Variants in CCDC134 observed in about 807,000 individuals in gnomAD.
The protein encoded by CCDC134 is coiled-coil domain-containing protein 134.
A neutral mutation model predicts 25.6 loss-of-function variants in CCDC134; 27 were observed. That is an observed-to-expected ratio of 1.05 (90% CI 0.78 to 1.45). The LOEUF (loss-of-function observed/expected upper bound fraction) is 1.45. Among genes scored for constraint, CCDC134 ranks in the 40% most tolerant of loss-of-function variants. CCDC134 has a pLI of 0.00. For synonymous variants in CCDC134, 110 were observed against 115.0 expected, an observed-to-expected ratio of 0.96 and a Z score of 0.28; for missense variants, 261 against 286.7, an observed-to-expected ratio of 0.91 and a Z score of 0.65.
In CCDC134 at chr22:41,823,220, A is replaced by ATTT. The variant is rs34103607; in HGVS notation, c.565-2458_565-2456dup. 2.9e-3 allele frequency among the ~76,000 whole-genome samples: 366 copies of ATTT among 127,416 alleles called. 7 individuals are homozygous for ATTT. The highest frequency in any genetic ancestry group is 7.8e-3 in the East Asian group (34 of 4,382). 83.6% of individuals were successfully genotyped at this position (127,416 alleles called of 152,430 possible). A position where few individuals can be genotyped will look rare whatever the true frequency, so the allele number is the denominator to read the frequency against. On this transcript the variant is annotated intron_variant, in intron 6 of 6. Transcript: ENST00000255784. ...TTCTGGTCAAAAAACCATTACCAGAATTTTTTTTTTTTTTTTTTTTTTGAG... is the reference window on the plus strand; with the variant it reads ...TTCTGGTCAAAAAACCATTACCAGAATTTTTTTTTTTTTTTTTTTTTTTTTGAG...
At chr22:41,810,384 C>A (rs2076589255) in intron 4 of CCDC134, 93 bp downstream of exon 4, 25 of 1,213,660 alleles carry the variant, frequency 2.1e-5, no homozygotes, top group Admixed American at 6.1e-5. Flanking sequence ...TTTTTTCTCC[C>A]CGGAAGTGCC....
At chr22:41,806,571 A>C (rs994431367) in intron 1 of CCDC134, among the ~76,000 whole-genome samples, 11 of 152,134 alleles carry the variant, frequency 7.2e-5, no homozygotes, top group African/African-American at 2.7e-4. Context: ...TGGACAAGGA[A>C]ATTTGTCAAT....
chr22:41,831,874 A>G lies in CCDC134; in HGVS notation c.*6051A>G, dbSNP rs1369621674. 1 of 152,226 alleles carries G rather than the reference A, an allele frequency of 6.6e-6. No homozygotes were observed. The highest frequency in any genetic ancestry group is 6.5e-5 in the Admixed American group (1 of 15,282). The allele number at this position is 152,226 out of a possible 1,614,324, so 9.4% of individuals were successfully genotyped here. ...TGTTTCCCTGCCACAGAGATGTTCA[A>G]TAAATATTGTCAATTGAATGTGCAA... On this transcript the variant is annotated 3_prime_UTR_variant, in exon 7 of 7. Coordinates refer to ENST00000255784, the MANE Select transcript of CCDC134 (RefSeq NM_024821.5).
chr22:41,820,141 A>G (rs954925024), intron 6 of CCDC134, among the ~76,000 whole-genome samples: 49 of 143,174 alleles, frequency 3.4e-4, no homozygotes, highest in Non-Finnish European at 6.5e-4. Flanking sequence ...GACTACAGGC[A>G]CCCACCACCA....
In CCDC134 at chr22:41,831,568, C is replaced by T. The variant is rs1569362064; in HGVS notation, c.*5745C>T. 2 of 152,246 alleles carry T rather than the reference C, an allele frequency of 1.3e-5. No homozygotes were observed. Among genetic ancestry groups the T allele is most frequent in the Non-Finnish European group, 2.9e-5 (2 of 68,044 alleles). The allele number at this position is 152,246 out of a possible 1,614,324, so 9.4% of individuals were successfully genotyped here. ...AAAGCTTATGCCGAGAGCTGGCTGCCAGCAGCTCCTCCTGCCTCGAGGCCT... is the reference window on the plus strand; with the variant it reads ...AAAGCTTATGCCGAGAGCTGGCTGCTAGCAGCTCCTCCTGCCTCGAGGCCT... On this transcript the variant is annotated 3_prime_UTR_variant, in exon 7 of 7. Coordinates refer to ENST00000255784, the MANE Select transcript of CCDC134 (RefSeq NM_024821.5).
intron 6 of CCDC134, among the ~76,000 whole-genome samples, chr22:41,814,818 A>G (rs1182521411): frequency 6.6e-6 from 1 of 152,200 alleles, no homozygotes; most frequent in Non-Finnish European, 1.5e-5. Context: ...CAAAGGCACT[A>G]GCTAGACTGT....
At chr22:41,802,989 C>A (rs976808314) in intron 1 of CCDC134, among the ~76,000 whole-genome samples, 15 of 151,882 alleles carry the variant, frequency 9.9e-5, no homozygotes, top group African/African-American at 3.6e-4. Flanking sequence ...TGGCACATGC[C>A]TGTAATCCCA....
chr22:41,827,084 C>A lies in CCDC134; in HGVS notation c.*1261C>A, dbSNP rs75315903. On this transcript the variant is annotated 3_prime_UTR_variant, in exon 7 of 7. Coordinates refer to ENST00000255784, the MANE Select transcript of CCDC134 (RefSeq NM_024821.5). Reference sequence around the variant, plus strand: ...CCCTGCCCAGCCCTAACCTGTTTCTCTGAGGCTGGCCTCCCTACGGGGCTG... The same window carrying A: ...CCCTGCCCAGCCCTAACCTGTTTCTATGAGGCTGGCCTCCCTACGGGGCTG... Among the ~76,000 whole-genome samples, 9,679 of 152,270 alleles carry A rather than the reference C, an allele frequency of 0.064. 988 individuals are homozygous for A. The highest frequency in any genetic ancestry group is 0.22 in the African/African-American group (9,156 of 41,518).
chr22:41,805,313 TCC>T (rs1657576116), intron 1 of CCDC134, among the ~76,000 whole-genome samples: 2 of 152,044 alleles, frequency 1.3e-5, no homozygotes, highest in Admixed American at 6.6e-5. Context: ...ATGCCTGTAC[TCC>T]CAGGCCCTTG....
In CCDC134 at chr22:41,829,500, C is replaced by G. The variant is rs2076695020; in HGVS notation, c.*3677C>G. 6.6e-6 allele frequency among the ~76,000 whole-genome samples: 1 copy of G among 152,214 alleles called. No homozygotes were observed. Among genetic ancestry groups the G allele is most frequent in the African/African-American group, 2.4e-5 (1 of 41,448 alleles). On this transcript the variant is annotated 3_prime_UTR_variant, in exon 7 of 7. Coordinates refer to ENST00000255784, the MANE Select transcript of CCDC134 (RefSeq NM_024821.5). ...CCAAACTGGTTATTTCCCTCTCTAACCCCATCTCTGTGTCAAACAGTGGAG... is the reference window on the plus strand; with the variant it reads ...CCAAACTGGTTATTTCCCTCTCTAAGCCCATCTCTGTGTCAAACAGTGGAG...
rs6002504 is a variant in CCDC134, at chr22:41,814,664, G to A, written c.564+842G>A. ...GGAAGGAAGGGCTGTGGTGGCTGGA[G>A]GACTGGACTTGTCAAACCCTGGTGT... On this transcript the variant is annotated intron_variant, in intron 6 of 6. Transcript: ENST00000255784. 1.2e-3 allele frequency among the ~76,000 whole-genome samples: 185 copies of A among 152,280 alleles called. 2 individuals are homozygous for A. Among genetic ancestry groups the A allele is most frequent in the African/African-American group, 4.4e-3 (181 of 41,548 alleles).
At chr22:41,804,956 G>C (rs1395682282) in intron 1 of CCDC134, among the ~76,000 whole-genome samples, 1 of 152,228 alleles carries the variant, frequency 6.6e-6, no homozygotes, top group African/African-American at 2.4e-5. Flanking sequence ...TGTGATCCCA[G>C]TTACTGGGGA....
chr22:41,804,124 C>G (rs932475923), intron 1 of CCDC134, among the ~76,000 whole-genome samples: 1 of 152,018 alleles, frequency 6.6e-6, no homozygotes. Flanking sequence ...CAGAGCCAGA[C>G]TCCTACTCAA....
chr22:41,821,957 G>A (rs1274312041), intron 6 of CCDC134, among the ~76,000 whole-genome samples: 1 of 152,120 alleles, frequency 6.6e-6, no homozygotes, highest in African/African-American at 2.4e-5. Context: ...ACGGAGGCTT[G>A]AGGAGAAGGT....
intron 6 of CCDC134, among the ~76,000 whole-genome samples, chr22:41,819,978 T>TATACATATATATATATATATATATAC: frequency 8.0e-6 from 1 of 125,044 alleles, no homozygotes; most frequent in South Asian, 2.5e-4. Context: ...TATATATATA[T>TATACATATATATATATATATATATAC]ATATATATAT....
At chr22:41,822,802 G>C (rs1402742819) in intron 6 of CCDC134, among the ~76,000 whole-genome samples, 1 of 152,214 alleles carries the variant, frequency 6.6e-6, no homozygotes, top group Non-Finnish European at 1.5e-5. Context: ...GTACTAGGCA[G>C]GGAAGTGTGC....
chr22:41,825,950 C>A lies in CCDC134; in HGVS notation c.*127C>A. 7.4e-7 allele frequency: 1 copy of A among 1,342,396 alleles called. No individual in the cohort carries two copies. Among genetic ancestry groups the A allele is most frequent in the Non-Finnish European group, 1.0e-6 (1 of 977,358 alleles). 83.2% of individuals were successfully genotyped at this position (1,342,396 alleles called of 1,614,324 possible). The stretch of plus-strand genomic sequence containing the variant: ...AGAAGGGGAGGCCACATTTGCCCGG[C>A]CCCCTGGAGCTGGGTCTGAGCCCCA... On this transcript the variant is annotated 3_prime_UTR_variant, in exon 7 of 7. Transcript: ENST00000255784. This position sits in a 1 kb window ranked among gnomAD's most constrained non-coding sequence, Gnocchi z 4.4.
At chr22:41,808,435 G>A (rs1176692246) in intron 1 of CCDC134, among the ~76,000 whole-genome samples, 2 of 152,094 alleles carry the variant, frequency 1.3e-5, no homozygotes, top group Non-Finnish European at 2.9e-5. Flanking sequence ...GGATGTGGAA[G>A]GAATACTGTT....
chr22:41,808,809 G>A, intron 1 of CCDC134, 66 bp from the exon 2 acceptor site: 2 of 1,275,424 alleles, frequency 1.6e-6, no homozygotes, highest in Admixed American at 1.7e-5. Flanking sequence ...CTGTTCACCT[G>A]TGCACTCTAT....
Sources: gnomAD v4.1 joint callset for allele counts (sites outside exome capture counted in the v4.1 genomes callset) on GRCh38, gnomAD v4.1.1 for gene constraint, Gnocchi (gnomAD v3.1) non-coding constraint, MANE v1.5 for transcripts, NCBI Gene and HGNC (gene_info 2026-07-23, HGNC 2026-07-21) for gene names.